The following HS6ST3 variants were observed in gnomAD, a reference collection of about 807,000 sequenced individuals.
HS6ST3 encodes the protein heparan sulfate 6-O-sulfotransferase 3, also known as heparan-sulfate 6-O-sulfotransferase 3.
A neutral mutation model predicts 36.7 loss-of-function variants in HS6ST3; 12 were observed. The ratio of observed to expected loss-of-function variants is 0.33; its 90% CI spans 0.21 to 0.53. HS6ST3 has a LOEUF of 0.53. Ranked by LOEUF, HS6ST3 falls within the 20% of genes least tolerant of loss-of-function variation. HS6ST3 has a pLI of 0.95. For synonymous variants in HS6ST3, 240 were observed against 257.5 expected (o/e 0.93, Z 0.65); for missense variants, 584 against 640.9 (o/e 0.91, Z 0.96).
At position 96,838,099 on chromosome 13, in the gene HS6ST3, G is replaced by A. The variant is rs894586163; in HGVS notation, c.*4901G>A. The A allele has an allele frequency of 1.3e-5, 2 of 152,138 alleles. No individual in the cohort carries two copies. Among genetic ancestry groups the A allele is most frequent in the African/African-American group, 4.8e-5 (2 of 41,418 alleles). 9.4% of individuals were successfully genotyped at this position (152,138 alleles called of 1,614,324 possible). On this transcript the variant is annotated 3_prime_UTR_variant, in exon 2 of 2. Transcript: ENST00000376705. ...GTATAGTGGGATCATTTAGAGATGG[G>A]GGTTAGGGAGAGTAGGAGTAACTCT...
intron 1 of HS6ST3, among the ~76,000 whole-genome samples, chr13:96,496,042 G>A (rs1031730652): frequency 1.3e-5 from 2 of 152,198 alleles, no homozygotes; most frequent in Non-Finnish European, 2.9e-5. Flanking sequence ...CTGTCTTGCT[G>A]TTTGGGCCAC....
intron 1 of HS6ST3, among the ~76,000 whole-genome samples, chr13:96,647,940 C>A (rs768494163): frequency 2.0e-5 from 3 of 151,916 alleles, no homozygotes; most frequent in African/African-American, 7.2e-5. Context: ...CTACATCTTG[C>A]CTTTGGTTTT....
intron 1 of HS6ST3, among the ~76,000 whole-genome samples, chr13:96,304,994 A>G (rs1233510189): frequency 6.6e-6 from 1 of 151,986 alleles, no homozygotes; most frequent in Non-Finnish European, 1.5e-5. Flanking sequence ...GGCATGAGCC[A>G]CTGGATGTTT....
At chr13:96,272,996 T>G (rs2054728698) in intron 1 of HS6ST3, among the ~76,000 whole-genome samples, 1 of 151,996 alleles carries the variant, frequency 6.6e-6, no homozygotes, top group African/African-American at 2.4e-5. Flanking sequence ...TCAAATGAAA[T>G]CATGCAGCTT....
At position 96,752,195 on chromosome 13, in the gene HS6ST3, A is replaced by G. The variant is rs1594851955; in HGVS notation, c.708-80295A>G. Among the ~76,000 whole-genome samples, 3 of 152,304 alleles carry G rather than the reference A, an allele frequency of 2.0e-5. No individual in the cohort carries two copies. The East Asian group carries it at 5.8e-4, about 29-fold the overall frequency. ...ATTTCAGATATGCTGGTATCATTCA[A>G]CAAAGGTTTCTAACATTTGTCCCTG... On this transcript the variant is annotated intron_variant, in intron 1 of 1. Coordinates refer to ENST00000376705, the MANE Select transcript of HS6ST3 (RefSeq NM_153456.4).
At chr13:96,255,262 T>C (rs906616726) in intron 1 of HS6ST3, among the ~76,000 whole-genome samples, 5 of 152,132 alleles carry the variant, frequency 3.3e-5, no homozygotes, top group African/African-American at 9.7e-5. Context: ...TTTTATGTTA[T>C]CCTATTTTAT....
intron 1 of HS6ST3, among the ~76,000 whole-genome samples, chr13:96,488,835 T>A (rs970657729): frequency 1.2e-4 from 19 of 152,116 alleles, no homozygotes; most frequent in African/African-American, 4.3e-4. Flanking sequence ...TTACTTTCAG[T>A]ACCTGTGAAT....
chr13:96,252,804 A>G (rs555548667), intron 1 of HS6ST3, among the ~76,000 whole-genome samples: 1 of 151,990 alleles, frequency 6.6e-6, no homozygotes, highest in East Asian at 1.9e-4. Context: ...TGGTTGTTGT[A>G]AAGTGTGGCA....
At chr13:96,746,555 A>G (rs1876565535) in intron 1 of HS6ST3, among the ~76,000 whole-genome samples, 1 of 152,070 alleles carries the variant, frequency 6.6e-6, no homozygotes. Flanking sequence ...TGAGATAGGA[A>G]GTCCATTTTT....
At chr13:96,559,855 C>G (rs2056255554) in intron 1 of HS6ST3, among the ~76,000 whole-genome samples, 1 of 152,056 alleles carries the variant, frequency 6.6e-6, no homozygotes, top group East Asian at 1.9e-4. Flanking sequence ...TGCAATATAG[C>G]AATCTTTGAT....
intron 1 of HS6ST3, among the ~76,000 whole-genome samples, chr13:96,352,820 A>T (rs919415404): frequency 6.6e-6 from 1 of 152,212 alleles, no homozygotes; most frequent in Non-Finnish European, 1.5e-5. Context: ...AATTATAAGC[A>T]TTCTGTACAA....
chr13:96,658,672 TA>T (rs1367272016), intron 1 of HS6ST3, among the ~76,000 whole-genome samples: 2 of 151,702 alleles, frequency 1.3e-5, no homozygotes, highest in African/African-American at 4.8e-5. Flanking sequence ...GTATGGCGGT[TA>T]TATGAACTCT....
chr13:96,149,575 A>G (rs1566893840), intron 1 of HS6ST3, among the ~76,000 whole-genome samples: 1 of 152,224 alleles, frequency 6.6e-6, no homozygotes, highest in African/African-American at 2.4e-5. Flanking sequence ...AAACCAAAAC[A>G]TGAATTCATG....
At chr13:96,092,139 G>C (rs542155405) in intron 1 of HS6ST3, among the ~76,000 whole-genome samples, 1 of 152,158 alleles carries the variant, frequency 6.6e-6, no homozygotes, top group East Asian at 1.9e-4. Flanking sequence ...GTTCTACCGC[G>C]ATAGATAACT....
At chr13:96,652,967 C>T (rs532190281) in intron 1 of HS6ST3, among the ~76,000 whole-genome samples, 60 of 152,110 alleles carry the variant, frequency 3.9e-4, no homozygotes, top group African/African-American at 1.3e-3. Context: ...AAATTGATGA[C>T]CCAACTCTGA....
intron 1 of HS6ST3, among the ~76,000 whole-genome samples, chr13:96,787,177 C>A (rs1877672865): frequency 1.3e-5 from 2 of 152,106 alleles, no homozygotes; most frequent in African/African-American, 4.8e-5. Flanking sequence ...GGCTGAGTAA[C>A]TATAAACATT....
intron 1 of HS6ST3, among the ~76,000 whole-genome samples, chr13:96,349,270 A>G (rs527843995): frequency 1.3e-5 from 2 of 152,328 alleles, no homozygotes; most frequent in African/African-American, 4.8e-5. Context: ...GCTTTTCTCC[A>G]TAATTTCAAA....
chr13:96,118,689 T>TATATATATATA (rs1416910167), intron 1 of HS6ST3, among the ~76,000 whole-genome samples: 17 of 29,538 alleles, frequency 5.8e-4, no homozygotes, highest in Non-Finnish European at 7.7e-4. Flanking sequence ...TATATATATA[T>TATATATATATA]TTTTTTTTTT....
chr13:96,830,949 C>T (rs150142053), intron 1 of HS6ST3, among the ~76,000 whole-genome samples: 240 of 152,266 alleles, frequency 1.6e-3, no homozygotes, highest in African/African-American at 3.8e-3. Flanking sequence ...AGACAGCTTG[C>T]GGGCCTGCTC....
Sources: allele counts gnomAD v4.1 joint callset (sites outside exome capture counted in the v4.1 genomes callset), GRCh38; gene constraint gnomAD v4.1.1; transcripts MANE v1.5; gene names NCBI Gene and HGNC (gene_info 2026-07-23, HGNC 2026-07-21).